The following VPS13B variants were observed in gnomAD, a reference collection of about 807,000 sequenced individuals.
VPS13B encodes intermembrane lipid transfer protein VPS13B.
VPS13B carries 285 observed loss-of-function variants against 426.4 expected under a neutral mutation model. That is an observed-to-expected ratio of 0.67 (90% CI 0.61 to 0.74). The LOEUF (loss-of-function observed/expected upper bound fraction) is 0.74. VPS13B is among the 30% of genes least tolerant of loss of function. The pLI is 0.00. For missense variants in VPS13B, 4,537 were observed against 4,782.6 expected (o/e 0.95, Z 1.51); for synonymous variants, 1,676 against 1,676.4 (o/e 1.00, Z 0.01).
chr8:99,734,159 T>A (rs570100701), intron 39 of VPS13B, among the ~76,000 whole-genome samples: 1 of 152,348 alleles, frequency 6.6e-6, no homozygotes, highest in Admixed American at 6.5e-5. Context: ...ATTTAGCATG[T>A]TATTTTCACA....
At chr8:99,470,432 C>T (rs962885914) in intron 24 of VPS13B, among the ~76,000 whole-genome samples, 5 of 151,826 alleles carry the variant, frequency 3.3e-5, no homozygotes, top group Non-Finnish European at 4.4e-5. Context: ...CAATAAATCT[C>T]AATTGAGGAA....
chr8:99,100,631 T>C (rs928345523), intron 4 of VPS13B, among the ~76,000 whole-genome samples: 1 of 152,164 alleles, frequency 6.6e-6, no homozygotes, highest in South Asian at 2.1e-4. Flanking sequence ...TCAGTAGTGT[T>C]CTATCAGTTA....
At chr8:99,710,338 A>G (rs1832660497) in intron 36 of VPS13B, among the ~76,000 whole-genome samples, 1 of 151,910 alleles carries the variant, frequency 6.6e-6, no homozygotes, top group Admixed American at 6.6e-5. Flanking sequence ...TTGTCCCCCT[A>G]GGAAGAAGAA....
chr8:99,175,959 C>A (rs113483328), intron 16 of VPS13B, among the ~76,000 whole-genome samples: 1 of 152,048 alleles, frequency 6.6e-6, no homozygotes, highest in Non-Finnish European at 1.5e-5. Flanking sequence ...GTTGCTACTG[C>A]GGTGAGCTTT....
intron 30 of VPS13B, among the ~76,000 whole-genome samples, chr8:99,534,753 G>A (rs564688835): frequency 5.9e-5 from 9 of 152,086 alleles, no homozygotes; most frequent in Non-Finnish European, 8.8e-5. Context: ...AAAACATTGT[G>A]CTACTGTCTT....
At chr8:99,809,353 C>T (rs368277967) in intron 43 of VPS13B, 22 bp from the exon 44 acceptor site, 31 of 1,613,526 alleles carry the variant, frequency 1.9e-5, no homozygotes, top group Middle Eastern at 1.6e-4. Context: ...GGCATTATGA[C>T]GATTATTGTT....
chr8:99,654,059 A>T (rs955941242), intron 34 of VPS13B, among the ~76,000 whole-genome samples: 69 of 151,006 alleles, frequency 4.6e-4, no homozygotes, highest in African/African-American at 1.1e-3. Context: ...TATTATATAT[A>T]TTTTTTTGGG....
chr8:99,834,057 G>A (rs1474074876), intron 52 of VPS13B, among the ~76,000 whole-genome samples: 1 of 152,164 alleles, frequency 6.6e-6, no homozygotes, highest in Non-Finnish European at 1.5e-5. Flanking sequence ...AAATGCTAAT[G>A]GACCATTCAC....
intron 41 of VPS13B, among the ~76,000 whole-genome samples, chr8:99,777,844 T>C (rs1467792091): frequency 6.6e-6 from 1 of 152,240 alleles, no homozygotes; most frequent in African/African-American, 2.4e-5. Flanking sequence ...CAATATGCTC[T>C]GTACCAAACC....
At chr8:99,107,508 TA>T (rs1235525341) in intron 5 of VPS13B, among the ~76,000 whole-genome samples, 1 of 152,156 alleles carries the variant, frequency 6.6e-6, no homozygotes, top group African/African-American at 2.4e-5. Flanking sequence ...TCCCCTTACG[TA>T]TTTTTTTTTT....
chr8:99,299,357 C>T (rs963201870), intron 19 of VPS13B, among the ~76,000 whole-genome samples: 8 of 151,586 alleles, frequency 5.3e-5, no homozygotes, highest in South Asian at 2.1e-4. Context: ...CCACTGTACC[C>T]GGCCAAGTTA....
intron 17 of VPS13B, among the ~76,000 whole-genome samples, chr8:99,262,035 C>T (rs937757332): frequency 2.0e-5 from 3 of 152,094 alleles, no homozygotes; most frequent in Admixed American, 6.5e-5. Context: ...CTTGTTGACT[C>T]CTTTTGCTGG....
chr8:99,331,770 C>T (rs1278500380), intron 19 of VPS13B, among the ~76,000 whole-genome samples: 1 of 151,494 alleles, frequency 6.6e-6, no homozygotes, highest in Non-Finnish European at 1.5e-5. Flanking sequence ...AAAGCTGCTG[C>T]AAAAATAATG....
chr8:99,045,685 G>C (rs920312000), intron 3 of VPS13B, among the ~76,000 whole-genome samples: 15 of 152,202 alleles, frequency 9.9e-5, no homozygotes, highest in Middle Eastern at 3.2e-3. Context: ...TCAGGTCTTA[G>C]ATTTAAGTCC....
At chr8:99,750,481 C>T (rs900027291) in intron 39 of VPS13B, among the ~76,000 whole-genome samples, 12 of 151,976 alleles carry the variant, frequency 7.9e-5, no homozygotes, top group Admixed American at 2.6e-4. Context: ...GTGTTGACTA[C>T]GACTTCATGA....
At chr8:99,175,624 G>A (rs1812587626) in intron 16 of VPS13B, among the ~76,000 whole-genome samples, 1 of 152,144 alleles carries the variant, frequency 6.6e-6, no homozygotes, top group African/African-American at 2.4e-5. Context: ...AGGCATGGTG[G>A]CATGTGCCTA....
At chr8:99,832,727 T>C (rs1815149203) in intron 52 of VPS13B, 75 bp downstream of exon 52, 1 of 1,504,352 alleles carries the variant, frequency 6.6e-7, no homozygotes. Flanking sequence ...CCAAGAGAGA[T>C]ACAATGGTCG....
chr8:99,596,532 A>T (rs890357739), intron 33 of VPS13B, among the ~76,000 whole-genome samples: 1 of 151,916 alleles, frequency 6.6e-6, no homozygotes, highest in African/African-American at 2.4e-5. Flanking sequence ...TTAATTTATC[A>T]TCTCTGAGGT....
At chr8:99,666,277 A>G (rs1420252096) in intron 35 of VPS13B, among the ~76,000 whole-genome samples, 1 of 152,226 alleles carries the variant, frequency 6.6e-6, no homozygotes, top group African/African-American at 2.4e-5. Context: ...CAATCAGTAG[A>G]AAAACAGGGA....
Sources: allele counts gnomAD v4.1 joint callset (sites outside exome capture counted in the v4.1 genomes callset), GRCh38; gene constraint gnomAD v4.1.1; transcripts MANE v1.5; gene names NCBI Gene and HGNC (gene_info 2026-07-23, HGNC 2026-07-21).